The following TRPM8 variants were observed in gnomAD, a reference collection of about 807,000 sequenced individuals.
TRPM8 encodes the protein TRPM8 cationic channel.
In TRPM8, 110 loss-of-function variants were observed where a neutral mutation model predicts 133.7. The ratio of observed to expected loss-of-function variants is 0.82; its 90% CI spans 0.70 to 0.96. TRPM8 has a LOEUF of 0.96. Ranked by LOEUF, TRPM8 falls within the 40% of genes least tolerant of loss-of-function variation. The pLI, the probability that TRPM8 is intolerant of heterozygous loss-of-function variation, is 0.00. For synonymous variants in TRPM8, 535 were observed against 532.3 expected, an observed-to-expected ratio of 1.01 and a Z score of -0.07; for missense variants, 1,291 against 1,379.5, an observed-to-expected ratio of 0.94 and a Z score of 1.02.
chr2:233,970,175 A>G (rs757162205), intron 16 of TRPM8, 35 bp from the exon 17 acceptor site: 14 of 1,591,366 alleles, frequency 8.8e-6, no homozygotes, highest in Non-Finnish European at 1.2e-5. Flanking sequence ...CCATGCTTGC[A>G]AGGATGCTGA....
chr2:233,926,053 G>T (rs1691507902), intron 1 of TRPM8, among the ~76,000 whole-genome samples: 2 of 152,300 alleles, frequency 1.3e-5, no homozygotes, highest in South Asian at 4.1e-4. Context: ...CCACCCTTCA[G>T]GGGCAGGGGT....
chr2:234,007,109 C>T lies in TRPM8; in HGVS notation c.3230+157C>T, dbSNP rs951672719. On this transcript the variant is annotated intron_variant, in intron 23 of 25. Transcript: ENST00000324695. ...TACCCGGGCAATTGAAGATGACAAA[C>T]GCGTAAGTGTGTGCCAGCCTTTGGA... Among the ~76,000 whole-genome samples the T allele has an allele frequency of 3.9e-5, 6 of 152,186 alleles. No homozygotes were observed. In the East Asian group the frequency reaches 5.8e-4, roughly 15 times the overall value.
intron 17 of TRPM8, among the ~76,000 whole-genome samples, chr2:233,972,472 T>G (rs745600906): frequency 2.6e-5 from 4 of 152,226 alleles, no homozygotes; most frequent in African/African-American, 4.8e-5. Flanking sequence ...GCGCCCGCAC[T>G]CCTCAGCCCT....
chr2:233,979,871 A>G (rs566665923), intron 17 of TRPM8, among the ~76,000 whole-genome samples: 2 of 152,328 alleles, frequency 1.3e-5, no homozygotes, highest in East Asian at 3.9e-4. Context: ...TGGTGGCTGG[A>G]CAGTCTACAT....
chr2:233,930,806 A>G (rs1042626420), intron 3 of TRPM8, 65 bp downstream of exon 3: 3 of 1,073,712 alleles, frequency 2.8e-6, no homozygotes, highest in South Asian at 1.4e-5. Context: ...CCACCCTTAC[A>G]ACAAACAAAT....
At chr2:233,975,147 A>C (rs1691835700) in intron 17 of TRPM8, among the ~76,000 whole-genome samples, 1 of 151,432 alleles carries the variant, frequency 6.6e-6, no homozygotes, top group Admixed American at 6.6e-5. Context: ...TGGCATGGGA[A>C]TGATTTGATT....
chr2:233,930,713 G>C lies in TRPM8; in HGVS notation c.163G>C (p.Val55Leu). 1 of 1,609,532 alleles carries C rather than the reference G, an allele frequency of 6.2e-7. No homozygotes were observed. Among genetic ancestry groups the C allele is most frequent in the Non-Finnish European group, 8.5e-7 (1 of 1,176,908 alleles). ...IQANFKKREC[V>L]FFTKDSKATE... ...AGCAAATTTTAAGAAACGAGAATGTGTCTTCTTTACCAAAGATTCCAAGGC... is the reference window on the plus strand; with the variant it reads ...AGCAAATTTTAAGAAACGAGAATGTCTCTTCTTTACCAAAGATTCCAAGGC... The change falls in exon 3 of 26, where the codon GTC becomes CTC. Residue 55 changes from valine (V) to leucine (L), a missense_variant. Coordinates refer to ENST00000324695, the MANE Select transcript of TRPM8 (RefSeq NM_024080.5).
intron 3 of TRPM8, among the ~76,000 whole-genome samples, chr2:233,934,152 C>T (rs1691738189): frequency 6.6e-6 from 1 of 152,188 alleles, no homozygotes; most frequent in Non-Finnish European, 1.5e-5. Flanking sequence ...AAAAGAAATG[C>T]CACCTAAGAT....
At chr2:233,937,597 T>C (rs758971081) in intron 4 of TRPM8, 88 bp downstream of exon 4, 28 of 1,462,924 alleles carry the variant, frequency 1.9e-5, no homozygotes, top group Non-Finnish European at 2.5e-5. Flanking sequence ...TCTAATAGGA[T>C]GGAGGCAGGA....
rs752277237 is a variant in TRPM8, at chr2:233,970,435, G to A, written c.2355+9G>A. On this transcript the variant is annotated intron_variant, in intron 17 of 25. Coordinates refer to ENST00000324695, the MANE Select transcript of TRPM8 (RefSeq NM_024080.5). ...GTGATGAAGTGAGACAGGTAGGGCT[G>A]CCATGACAGCAGGAACCCCCTCGCT... 7.4e-6 allele frequency: 12 copies of A among 1,612,940 alleles called. No individual in the cohort carries two copies. Among genetic ancestry groups the A allele is most frequent in the African/African-American group, 1.3e-5 (1 of 74,854 alleles).
intron 22 of TRPM8, among the ~76,000 whole-genome samples, chr2:233,997,102 T>C (rs1287172685): frequency 6.6e-6 from 1 of 151,930 alleles, no homozygotes; most frequent in African/African-American, 2.4e-5. Context: ...CCATCTCTAC[T>C]AAAATACAAA....
chr2:233,947,627 C>A, intron 8 of TRPM8: 1 of 1,287,796 alleles, frequency 7.8e-7, no homozygotes, highest in Non-Finnish European at 1.0e-6. Context: ...ATTCTGAGAT[C>A]ATGGAAACTT....
intron 7 of TRPM8, among the ~76,000 whole-genome samples, chr2:233,946,520 C>T (rs901459409): frequency 2.6e-5 from 4 of 152,100 alleles, no homozygotes; most frequent in African/African-American, 9.7e-5. Flanking sequence ...CATTATTTGC[C>T]GTGGTTGAGT....
At chr2:233,942,899 A>G in intron 6 of TRPM8, 151 bp downstream of exon 6, 1 of 804,366 alleles carries the variant, frequency 1.2e-6, no homozygotes, top group Non-Finnish European at 2.1e-6. Context: ...CCTTAAAGGA[A>G]TTGAAAACAA....
At chr2:233,926,252 C>T (rs1271155227) in intron 1 of TRPM8, among the ~76,000 whole-genome samples, 1 of 152,128 alleles carries the variant, frequency 6.6e-6, no homozygotes, top group East Asian at 1.9e-4. Flanking sequence ...TGGGGCCATG[C>T]ACTTGGCCAC....
intron 22 of TRPM8, among the ~76,000 whole-genome samples, chr2:234,004,523 G>C (rs954672856): frequency 6.6e-6 from 1 of 152,206 alleles, no homozygotes; most frequent in Non-Finnish European, 1.5e-5. Flanking sequence ...TTCTGAAATT[G>C]TTCTTCTTTG....
intron 4 of TRPM8, among the ~76,000 whole-genome samples, chr2:233,938,143 C>G (rs552839476): frequency 5.3e-5 from 8 of 152,220 alleles, no homozygotes; most frequent in Non-Finnish European, 1.0e-4. Flanking sequence ...CCGGCACACT[C>G]TCTTGCTGCC....
At chr2:234,015,761 A>C (rs534425163) in intron 25 of TRPM8, among the ~76,000 whole-genome samples, 1 of 152,356 alleles carries the variant, frequency 6.6e-6, no homozygotes, top group South Asian at 2.1e-4. Context: ...CGTGCTCAAG[A>C]AAATAAGCCT....
At chr2:234,017,089 A>T (rs975090416) in intron 25 of TRPM8, among the ~76,000 whole-genome samples, 1 of 150,362 alleles carries the variant, frequency 6.7e-6, no homozygotes, top group Non-Finnish European at 1.5e-5. Context: ...CACGCAGCTC[A>T]CACCGATAAA....
Sources: gnomAD v4.1 joint callset for allele counts (sites outside exome capture counted in the v4.1 genomes callset) on GRCh38, gnomAD v4.1.1 for gene constraint, MANE v1.5 for transcripts, NCBI Gene and HGNC (gene_info 2026-07-23, HGNC 2026-07-21) for gene names.